Variants in MDFIC2 observed in about 807,000 individuals in gnomAD.
The protein encoded by MDFIC2 is MyoD family inhibitor domain containing 2.
intron 3 of MDFIC2, among the ~76,000 whole-genome samples, chr3:70,197,760 A>G (rs994714316): frequency 6.6e-6 from 1 of 152,204 alleles, no homozygotes; most frequent in Non-Finnish European, 1.5e-5. Context: ...TTTTATTTTT[A>G]ATCTCTGTTT....
intron 2 of MDFIC2, among the ~76,000 whole-genome samples, chr3:70,221,000 G>T (rs1165882888): frequency 6.6e-6 from 1 of 152,102 alleles, no homozygotes; most frequent in Non-Finnish European, 1.5e-5. Context: ...TTTAAATCTG[G>T]TTCTAAGGCT....
intron 2 of MDFIC2, among the ~76,000 whole-genome samples, chr3:70,289,950 T>C (rs1297651535): frequency 1.3e-5 from 2 of 152,078 alleles, no homozygotes; most frequent in Non-Finnish European, 2.9e-5. Context: ...TTATTCTAGT[T>C]ATACATTCTT....
intron 2 of MDFIC2, among the ~76,000 whole-genome samples, chr3:70,296,245 T>G (rs751071655): frequency 3.9e-4 from 60 of 152,210 alleles, no homozygotes; most frequent in Non-Finnish European, 8.4e-4. Context: ...AGTTGTAGTT[T>G]GAAACATGAG....
At chr3:70,310,341 T>A (rs1477759077) in intron 2 of MDFIC2, among the ~76,000 whole-genome samples, 1 of 151,720 alleles carries the variant, frequency 6.6e-6, no homozygotes, top group Non-Finnish European at 1.5e-5. Context: ...AAAATAAGTA[T>A]ATTTTTATTA....
At chr3:70,217,015 A>T (rs1033134197) in intron 2 of MDFIC2, among the ~76,000 whole-genome samples, 1 of 152,156 alleles carries the variant, frequency 6.6e-6, no homozygotes, top group Non-Finnish European at 1.5e-5. Context: ...ATCACCAGCC[A>T]TTGCTATCAC....
chr3:70,202,782 C>T (rs1701253742), intron 3 of MDFIC2, among the ~76,000 whole-genome samples: 1 of 152,098 alleles, frequency 6.6e-6, no homozygotes, highest in Non-Finnish European at 1.5e-5. Flanking sequence ...CCTAATGACA[C>T]TGAAGAATTA....
chr3:70,238,114 A>G (rs1701630551), intron 2 of MDFIC2, among the ~76,000 whole-genome samples: 3 of 149,762 alleles, frequency 2.0e-5, no homozygotes, highest in African/African-American at 7.4e-5. Flanking sequence ...CCTCACACAG[A>G]CATATGATAG....
chr3:70,204,325 T>A (rs1307163076), intron 3 of MDFIC2, among the ~76,000 whole-genome samples: 1 of 152,178 alleles, frequency 6.6e-6, no homozygotes, highest in South Asian at 2.1e-4. Flanking sequence ...AATTTCTGCA[T>A]CCTTAAATTA....
intron 2 of MDFIC2, among the ~76,000 whole-genome samples, chr3:70,286,938 C>G (rs1342851249): frequency 6.6e-6 from 1 of 151,478 alleles, no homozygotes; most frequent in East Asian, 1.9e-4. Context: ...AGTTGCTTAT[C>G]AGCTTAAGGA....
At chr3:70,264,226 T>G (rs1192195562) in intron 2 of MDFIC2, among the ~76,000 whole-genome samples, 1 of 152,222 alleles carries the variant, frequency 6.6e-6, no homozygotes, top group Non-Finnish European at 1.5e-5. Flanking sequence ...GACTTGAACA[T>G]CTCTTGACCT....
chr3:70,246,900 A>T (rs1701712313), intron 2 of MDFIC2, among the ~76,000 whole-genome samples: 1 of 152,058 alleles, frequency 6.6e-6, no homozygotes, highest in Admixed American at 6.6e-5. Flanking sequence ...TAGAAATAAT[A>T]TTATATTTAG....
intron 2 of MDFIC2, among the ~76,000 whole-genome samples, chr3:70,304,707 C>G (rs771474700): frequency 1.3e-5 from 2 of 152,146 alleles, no homozygotes; most frequent in Admixed American, 6.6e-5. Context: ...AACAGCAATA[C>G]TCTCCTACTT....
At chr3:70,227,371 A>T (rs1244800468) in intron 2 of MDFIC2, among the ~76,000 whole-genome samples, 1 of 152,150 alleles carries the variant, frequency 6.6e-6, no homozygotes, top group Admixed American at 6.5e-5. Context: ...TACTCAAGAG[A>T]TGAGAATATG....
chr3:70,246,840 A>G (rs1251042904), intron 2 of MDFIC2, among the ~76,000 whole-genome samples: 3 of 152,084 alleles, frequency 2.0e-5, no homozygotes, highest in Non-Finnish European at 1.5e-5. Flanking sequence ...CACCCTTAAA[A>G]CAACCCTACC....
intron 2 of MDFIC2, among the ~76,000 whole-genome samples, chr3:70,242,470 G>A (rs1701673537): frequency 6.6e-6 from 1 of 152,042 alleles, no homozygotes; most frequent in Admixed American, 6.6e-5. Context: ...CATCCTTTGG[G>A]GCAGTTACTT....
At chr3:70,235,400 A>G (rs1232272221) in intron 2 of MDFIC2, among the ~76,000 whole-genome samples, 5 of 152,156 alleles carry the variant, frequency 3.3e-5, no homozygotes, top group African/African-American at 1.2e-4. Flanking sequence ...ATCCCTCACA[A>G]TTGGCTTCCG....
intron 2 of MDFIC2, among the ~76,000 whole-genome samples, chr3:70,260,386 A>C (rs373878782): frequency 1.3e-5 from 2 of 152,250 alleles, no homozygotes; most frequent in East Asian, 3.9e-4. Context: ...TTAGCTAATT[A>C]CATCTGCAAC....
intron 2 of MDFIC2, among the ~76,000 whole-genome samples, chr3:70,222,720 A>T (rs1701472239): frequency 1.3e-5 from 2 of 152,210 alleles, no homozygotes; most frequent in South Asian, 4.1e-4. Flanking sequence ...CTTTGTACAA[A>T]GTTGTCTCTT....
intron 2 of MDFIC2, among the ~76,000 whole-genome samples, chr3:70,275,444 G>T (rs1046487865): frequency 1.3e-5 from 2 of 152,158 alleles, no homozygotes; most frequent in African/African-American, 4.8e-5. Flanking sequence ...GAGCCCAGGA[G>T]GTCAAGGCTG....
Sources: allele counts gnomAD v4.1 joint callset (sites outside exome capture counted in the v4.1 genomes callset), GRCh38; gene constraint gnomAD v4.1.1; transcripts MANE v1.5; gene names NCBI Gene and HGNC (gene_info 2026-07-23, HGNC 2026-07-21).